Variants in CHIC1 observed in about 807,000 individuals in gnomAD.
The protein encoded by CHIC1 is cysteine-rich hydrophobic domain-containing protein 1.
In CHIC1, 7 loss-of-function variants were observed where a neutral mutation model predicts 18.5. That is an observed-to-expected ratio of 0.38 (90% CI 0.22 to 0.71). The LOEUF (loss-of-function observed/expected upper bound fraction) is 0.71, where lower values mean the gene tolerates loss of function less well. Ranked by LOEUF, CHIC1 falls within the 30% of genes least tolerant of loss-of-function variation. CHIC1 has a pLI of 0.49. For missense variants in CHIC1, 159 were observed against 176.9 expected (o/e 0.90, Z 0.57); for synonymous variants, 77 against 73.5 (o/e 1.05, Z -0.25).
intron 1 of CHIC1, among the ~76,000 whole-genome samples, chrX:73,574,847 T>A (rs2057489391): frequency 9.0e-6 from 1 of 110,539 alleles, no homozygotes; most frequent in Non-Finnish European, 1.9e-5. Context: ...AGTCTGTAAA[T>A]CTTGTTTATT....
At chrX:73,655,534 A>G (rs192659803) in intron 3 of CHIC1, among the ~76,000 whole-genome samples, 17 of 81,537 alleles carry the variant, frequency 2.1e-4, no homozygotes, top group Admixed American at 9.0e-4. Context: ...GTGTATATAT[A>G]TATACATATA....
chrX:73,635,435 G>A lies in CHIC1; in HGVS notation c.508-43891G>A, dbSNP rs144330839. ...TCAATTTTTGGAAGAGTTTGAGAAG[G>A]ACTGGTGTTAATTCTTTAAATGTTA... is the stretch of plus-strand genomic sequence containing the variant. On this transcript the variant is annotated intron_variant, in intron 3 of 5. Transcript: ENST00000373502. Among the ~76,000 whole-genome samples the A allele has an allele frequency of 7.1e-3, 797 of 111,829 alleles. 4 individuals carry two copies. The highest frequency in any genetic ancestry group is 0.012 in the Non-Finnish European group (615 of 53,138).
intron 3 of CHIC1, among the ~76,000 whole-genome samples, chrX:73,641,307 C>T (rs1009198656): frequency 1.8e-5 from 2 of 110,198 alleles, no homozygotes; most frequent in Non-Finnish European, 3.8e-5. Context: ...GAATGTATGT[C>T]GCATTGTTTT....
intron 5 of CHIC1, 120 bp from the exon 6 acceptor site, chrX:73,680,835 T>G (rs1420499052): frequency 2.7e-6 from 1 of 364,864 alleles, no homozygotes; most frequent in Non-Finnish European, 4.6e-6. Context: ...TTCACTTACT[T>G]TATATGGTTC....
intron 2 of CHIC1, among the ~76,000 whole-genome samples, chrX:73,581,822 G>A (rs1337486435): frequency 9.0e-6 from 1 of 111,078 alleles, no homozygotes; most frequent in Non-Finnish European, 1.9e-5. Flanking sequence ...AGGAAAGAAG[G>A]AAAATGACCA....
intron 3 of CHIC1, among the ~76,000 whole-genome samples, chrX:73,594,875 C>G (rs1347548297): frequency 1.8e-5 from 2 of 112,022 alleles, no homozygotes; most frequent in Non-Finnish European, 3.8e-5. Context: ...TTAGATTCAG[C>G]TTATTTCACA....
At chrX:73,614,073 C>T (rs1362735253) in intron 3 of CHIC1, among the ~76,000 whole-genome samples, 1 of 111,822 alleles carries the variant, frequency 8.9e-6, no homozygotes, top group Non-Finnish European at 1.9e-5. Context: ...TGAATTACCT[C>T]AGCTTTTGCT....
chrX:73,600,837 G>A (rs1467416416), intron 3 of CHIC1, among the ~76,000 whole-genome samples: 2 of 106,731 alleles, frequency 1.9e-5, no homozygotes, highest in African/African-American at 3.7e-5. Context: ...GACACACATA[G>A]GCTCAAAATA....
intron 3 of CHIC1, among the ~76,000 whole-genome samples, chrX:73,612,000 G>C (rs1382240825): frequency 2.8e-5 from 3 of 108,375 alleles, no homozygotes; most frequent in African/African-American, 1.0e-4. Flanking sequence ...AGTTTCTTTT[G>C]CTGTGCAGAA....
At chrX:73,582,739 A>G (rs960401007) in intron 2 of CHIC1, among the ~76,000 whole-genome samples, 1 of 109,761 alleles carries the variant, frequency 9.1e-6, no homozygotes, top group African/African-American at 3.3e-5. Flanking sequence ...ATTAATTTAC[A>G]TTTTCTGTGA....
At chrX:73,588,177 G>T (rs1388756961) in intron 3 of CHIC1, among the ~76,000 whole-genome samples, 2 of 110,913 alleles carry the variant, frequency 1.8e-5, no homozygotes, top group South Asian at 3.7e-4. Context: ...GAATATTATT[G>T]TACTTACAGA....
chrX:73,574,873 CTT>C (rs1476887492), intron 1 of CHIC1, among the ~76,000 whole-genome samples: 5 of 109,939 alleles, frequency 4.5e-5, no homozygotes, highest in Non-Finnish European at 9.6e-5. Flanking sequence ...AAATAACCAA[CTT>C]TTGATTTCAT....
At chrX:73,671,069 C>T (rs1372184371) in intron 3 of CHIC1, among the ~76,000 whole-genome samples, 1 of 111,615 alleles carries the variant, frequency 9.0e-6, no homozygotes, top group Non-Finnish European at 1.9e-5. Context: ...TTTTTAAGTG[C>T]AGTTTTATAG....
chrX:73,668,587 G>A (rs2058015467), intron 3 of CHIC1, among the ~76,000 whole-genome samples: 1 of 111,352 alleles, frequency 9.0e-6, no homozygotes, highest in African/African-American at 3.3e-5. Flanking sequence ...CTGACAGTCT[G>A]GCCTCTGTTC....
chrX:73,614,979 T>G (rs961239903), intron 3 of CHIC1, among the ~76,000 whole-genome samples: 1 of 111,771 alleles, frequency 8.9e-6, no homozygotes, highest in African/African-American at 3.3e-5. Context: ...TTGGTATGTA[T>G]GCATCTGATA....
intron 1 of CHIC1, among the ~76,000 whole-genome samples, chrX:73,571,290 G>A (rs911682198): frequency 7.3e-5 from 8 of 109,899 alleles, no homozygotes; most frequent in Non-Finnish European, 1.1e-4. Context: ...GACAAGATGT[G>A]GAAATAGAGG....
chrX:73,629,941 G>C (rs2057799772), intron 3 of CHIC1, among the ~76,000 whole-genome samples: 1 of 111,727 alleles, frequency 9.0e-6, no homozygotes. Flanking sequence ...ATATCTTTTT[G>C]TGTATTTGTG....
chrX:73,620,887 G>A (rs779620260), intron 3 of CHIC1, among the ~76,000 whole-genome samples: 7 of 111,804 alleles, frequency 6.3e-5, no homozygotes, highest in African/African-American at 2.3e-4. Flanking sequence ...TAAGGTGTAT[G>A]TAAGGGGTCC....
chrX:73,572,207 C>T (rs775542462), intron 1 of CHIC1, among the ~76,000 whole-genome samples: 102 of 110,975 alleles, frequency 9.2e-4, no homozygotes, highest in Non-Finnish European at 1.5e-3. Context: ...TGAGAACATG[C>T]GGTATTTGGT....
Sources: allele counts gnomAD v4.1 joint callset (sites outside exome capture counted in the v4.1 genomes callset), GRCh38; gene constraint gnomAD v4.1.1; transcripts MANE v1.5; gene names NCBI Gene and HGNC (gene_info 2026-07-23, HGNC 2026-07-21).